Variants in TMEM132D observed in about 807,000 individuals in gnomAD.
TMEM132D encodes transmembrane protein 132D, also known as mature OL transmembrane protein.
In TMEM132D, 21 loss-of-function variants were observed where a neutral mutation model predicts 62.3. The ratio of observed to expected loss-of-function variants is 0.34; its 90% confidence interval spans 0.24 to 0.49. TMEM132D has a LOEUF of 0.49. TMEM132D is among the 20% of genes least tolerant of loss of function. The pLI, the probability that TMEM132D is intolerant of heterozygous loss-of-function variation, is 0.99. For missense variants in TMEM132D, 1,346 were observed against 1,402.8 expected (o/e 0.96, Z 0.65); for synonymous variants, 621 against 575.6 (o/e 1.08, Z -1.13).
chr12:129,319,803 T>A (rs2135642118), intron 4 of TMEM132D, among the ~76,000 whole-genome samples: 1 of 152,338 alleles, frequency 6.6e-6, no homozygotes, highest in African/African-American at 2.4e-5. Context: ...TGTCAGTTAA[T>A]AAGCTGAGTG....
intron 2 of TMEM132D, among the ~76,000 whole-genome samples, chr12:129,690,975 T>C (rs1207758495): frequency 6.6e-6 from 1 of 152,138 alleles, no homozygotes; most frequent in Admixed American, 6.5e-5. Context: ...ATAGAAATTA[T>C]GCAAAGTATT....
intron 1 of TMEM132D, among the ~76,000 whole-genome samples, chr12:129,793,006 C>G (rs1871445366): frequency 6.6e-6 from 1 of 152,054 alleles, no homozygotes; most frequent in Admixed American, 6.6e-5. Context: ...CACACACATA[C>G]ATGCTGATGA....
intron 5 of TMEM132D, among the ~76,000 whole-genome samples, chr12:129,179,030 C>A (rs546608360): frequency 1.3e-5 from 2 of 152,180 alleles, no homozygotes; most frequent in Non-Finnish European, 2.9e-5. Flanking sequence ...CACACCCACA[C>A]CAAATGGGGC....
intron 4 of TMEM132D, among the ~76,000 whole-genome samples, chr12:129,266,187 A>G (rs1442205579): frequency 2.6e-5 from 4 of 152,148 alleles, no homozygotes; most frequent in Non-Finnish European, 5.9e-5. Flanking sequence ...CATTAGGCAT[A>G]GATGTCTCCT....
chr12:129,629,063 C>T (rs1033537476), intron 2 of TMEM132D, among the ~76,000 whole-genome samples: 1 of 152,002 alleles, frequency 6.6e-6, no homozygotes, highest in African/African-American at 2.4e-5. Flanking sequence ...TCTGTATGCC[C>T]CTTTCTCCCT....
chr12:129,823,460 G>T (rs1467571759), intron 1 of TMEM132D, among the ~76,000 whole-genome samples: 1 of 152,248 alleles, frequency 6.6e-6, no homozygotes, highest in Non-Finnish European at 1.5e-5. Context: ...AGGGAATGGT[G>T]GGAGTCCTCC....
intron 3 of TMEM132D, among the ~76,000 whole-genome samples, chr12:129,343,432 G>A (rs184908935): frequency 1.3e-5 from 2 of 151,898 alleles, no homozygotes; most frequent in African/African-American, 4.8e-5. Context: ...GTTGTGGGGT[G>A]GGGGGATGGG....
At chr12:129,506,063 T>C (rs1875320167) in intron 3 of TMEM132D, among the ~76,000 whole-genome samples, 4 of 152,240 alleles carry the variant, frequency 2.6e-5, no homozygotes. Context: ...CTATTCATCA[T>C]GCTATTTGTT....
At chr12:129,318,724 G>A (rs537719023) in intron 4 of TMEM132D, among the ~76,000 whole-genome samples, 2 of 152,288 alleles carry the variant, frequency 1.3e-5, no homozygotes, top group Admixed American at 6.5e-5. Flanking sequence ...GGATAGGGAA[G>A]GACCATTAGG....
At chr12:129,538,373 A>AG (rs879717238) in intron 2 of TMEM132D, among the ~76,000 whole-genome samples, 3 of 152,170 alleles carry the variant, frequency 2.0e-5, no homozygotes, top group Non-Finnish European at 4.4e-5. Context: ...TAACCCCAGG[A>AG]GGCTTTATTC....
intron 5 of TMEM132D, among the ~76,000 whole-genome samples, chr12:129,184,616 C>T (rs989832070): frequency 3.3e-5 from 5 of 152,218 alleles, no homozygotes; most frequent in Non-Finnish European, 5.9e-5. Flanking sequence ...TATTACAACA[C>T]GAAGTTCACT....
chr12:129,318,471 C>A (rs1470309464), intron 4 of TMEM132D, among the ~76,000 whole-genome samples: 1 of 152,182 alleles, frequency 6.6e-6, no homozygotes, highest in Admixed American at 6.5e-5. Flanking sequence ...TGGGGGTGGT[C>A]TGCATAGAGT....
intron 2 of TMEM132D, 109 bp downstream of exon 2, chr12:129,699,701 G>A (rs1013302090): frequency 1.4e-5 from 19 of 1,379,188 alleles, no homozygotes; most frequent in Admixed American, 2.1e-5. Context: ...GAACGGGAAG[G>A]CCGGCTCTAC....
At position 129,167,046 on chromosome 12, in the gene TMEM132D, G is replaced by A. The variant is rs528022590; in HGVS notation, c.1443+42474C>T. On this transcript the variant is annotated intron_variant, in intron 5 of 8. Transcript: ENST00000422113. ...ATGTTGGTGCATGCCTGTGGGCCCA[G>A]ATACTTTGGAGGCTGAGGTGGGAGA... Among the ~76,000 whole-genome samples, 196 of 152,002 alleles carry A rather than the reference G, an allele frequency of 1.3e-3. 1 individual carries two copies. Among genetic ancestry groups the A allele is most frequent in the African/African-American group, 4.6e-3 (192 of 41,444 alleles).
intron 4 of TMEM132D, among the ~76,000 whole-genome samples, chr12:129,326,859 A>G (rs1237481648): frequency 6.6e-6 from 1 of 152,202 alleles, no homozygotes; most frequent in Non-Finnish European, 1.5e-5. Flanking sequence ...ATAAACTATA[A>G]ATAAAAGAAA....
chr12:129,622,687 T>A (rs2137160602), intron 2 of TMEM132D, among the ~76,000 whole-genome samples: 1 of 152,344 alleles, frequency 6.6e-6, no homozygotes, highest in Admixed American at 6.5e-5. Flanking sequence ...TGGTTTCATC[T>A]ACGTAGAACC....
chr12:129,266,206 G>A (rs1371667876), intron 4 of TMEM132D, among the ~76,000 whole-genome samples: 3 of 152,098 alleles, frequency 2.0e-5, no homozygotes, highest in Admixed American at 1.3e-4. Context: ...CTGCCTCCTT[G>A]AAATATGTTC....
intron 2 of TMEM132D, among the ~76,000 whole-genome samples, chr12:129,699,292 T>C (rs1400155827): frequency 6.6e-6 from 1 of 152,210 alleles, no homozygotes; most frequent in Admixed American, 6.5e-5. Context: ...CATTTATTTT[T>C]TTGAACACTA....
At chr12:129,382,662 C>T (rs1870984062) in intron 3 of TMEM132D, among the ~76,000 whole-genome samples, 1 of 152,178 alleles carries the variant, frequency 6.6e-6, no homozygotes, top group African/African-American at 2.4e-5. Flanking sequence ...CATTTTTACA[C>T]CATAGCATCT....
Sources: gnomAD v4.1 joint callset for allele counts (sites outside exome capture counted in the v4.1 genomes callset) on GRCh38, gnomAD v4.1.1 for gene constraint, MANE v1.5 for transcripts, NCBI Gene and HGNC (gene_info 2026-07-23, HGNC 2026-07-21) for gene names.